Variants in SIRT1 observed in about 807,000 individuals in gnomAD.
SIRT1 encodes sirtuin 1, also known as NAD-dependent protein deacetylase sirtuin-1.
In SIRT1, 24 loss-of-function variants were observed where a neutral mutation model predicts 67.9. That is an observed-to-expected ratio of 0.35 (90% CI 0.26 to 0.50). The LOEUF is 0.50. Among genes scored for constraint, SIRT1 ranks in the 20% least tolerant of loss-of-function variants. The pLI is 0.98. For missense variants in SIRT1, 873 were observed against 937.2 expected (o/e 0.93, Z 0.89); for synonymous variants, 378 against 350.7 (o/e 1.08, Z -0.87).
chr10:67,900,435 G>A (rs1387846629), intron 4 of SIRT1, among the ~76,000 whole-genome samples: 5 of 152,068 alleles, frequency 3.3e-5, no homozygotes, highest in African/African-American at 1.2e-4. Context: ...GTGAGCCGCC[G>A]CGCTTGGCTC....
chr10:67,898,574 G>T (rs1428989866), intron 4 of SIRT1, among the ~76,000 whole-genome samples: 1 of 152,142 alleles, frequency 6.6e-6, no homozygotes, highest in African/African-American at 2.4e-5. Context: ...TAGTCACAGT[G>T]CCATTCATCT....
At chr10:67,888,594 GT>G (rs1346182641) in intron 2 of SIRT1, among the ~76,000 whole-genome samples, 1 of 152,082 alleles carries the variant, frequency 6.6e-6, no homozygotes, top group Non-Finnish European at 1.5e-5. Context: ...ATTATGGTGT[GT>G]GTTTCTAGAT....
intron 4 of SIRT1, among the ~76,000 whole-genome samples, chr10:67,902,529 A>T (rs1842759826): frequency 6.6e-6 from 1 of 152,252 alleles, no homozygotes; most frequent in African/African-American, 2.4e-5. Flanking sequence ...TGAATTTGTC[A>T]TATGACCAAT....
At chr10:67,907,459 C>A (rs139183529) in intron 5 of SIRT1, among the ~76,000 whole-genome samples, 2 of 142,896 alleles carry the variant, frequency 1.4e-5, no homozygotes, top group South Asian at 4.4e-4. Flanking sequence ...TGCACCATTG[C>A]GCTCCAGCCT....
chr10:67,900,454 ATTGT>A (rs1842724699), intron 4 of SIRT1, among the ~76,000 whole-genome samples: 1 of 151,192 alleles, frequency 6.6e-6, no homozygotes. Flanking sequence ...TCAACATCTT[ATTGT>A]TTGAGACGGG....
intron 7 of SIRT1, among the ~76,000 whole-genome samples, chr10:67,911,783 C>T (rs1439606652): frequency 1.6e-5 from 2 of 123,112 alleles, no homozygotes; most frequent in South Asian, 2.5e-4. Context: ...TCCCACCCTC[C>T]CTCCCTCCCT....
At position 67,906,773 on chromosome 10, in the gene SIRT1, C is replaced by T. The variant is rs749810483; in HGVS notation, c.943-17C>T. The T allele has an allele frequency of 8.7e-6, 14 of 1,601,918 alleles. No homozygotes were observed. In the African/African-American group the frequency reaches 1.2e-4, roughly 14 times the overall value. ...ATTTCACTAATGTAAATTTTTTCTACCATTTGCTTGATACAGGAAATATAT... is the reference window on the plus strand; with the variant it reads ...ATTTCACTAATGTAAATTTTTTCTATCATTTGCTTGATACAGGAAATATAT... On this transcript the variant is annotated splice_polypyrimidine_tract_variant and intron_variant, in intron 4 of 8. Coordinates refer to ENST00000212015, the MANE Select transcript of SIRT1 (RefSeq NM_012238.5).
chr10:67,915,619 T>C (rs184747319), intron 8 of SIRT1, among the ~76,000 whole-genome samples: 3 of 152,290 alleles, frequency 2.0e-5, no homozygotes, highest in Admixed American at 6.5e-5. Flanking sequence ...GTCTACAGAG[T>C]ACACTATGAA....
chr10:67,906,302 T>C, intron 4 of SIRT1: 1 of 1,564,888 alleles, frequency 6.4e-7, no homozygotes. Context: ...GGATTAAAAC[T>C]TTAGCTTTAA....
In SIRT1 at chr10:67,906,882, GA is replaced by G; in HGVS notation, c.1037del (p.Asn346ThrfsTer2). The G allele has an allele frequency of 6.2e-7, 1 of 1,612,468 alleles. No homozygotes were observed. Among genetic ancestry groups the G allele is most frequent in the Non-Finnish European group, 8.5e-7 (1 of 1,179,368 alleles). Reference sequence around the variant, plus strand: ...GAAAACTACTTCGCAACTATACCCAGAACATAGACACGCTGGAACAGGTTGC... The same window carrying G: ...GAAAACTACTTCGCAACTATACCCAGACATAGACACGCTGGAACAGGTTGC... ...EGKLLRNYTQ[N>X]IDTLEQVAGI... is the part of the protein sequence containing the mutation. On this transcript the variant is annotated frameshift_variant, in exon 5 of 9. Coordinates refer to ENST00000212015, the MANE Select transcript of SIRT1 (RefSeq NM_012238.5). LOFTEE classifies it high-confidence loss of function.
At position 67,917,843 on chromosome 10, in the gene SIRT1, CTT is replaced by C. The variant is rs1247720352; in HGVS notation, c.*1251_*1252del. The C allele has an allele frequency of 6.6e-6, 1 of 152,510 alleles. No individual in the cohort carries two copies. Among genetic ancestry groups the C allele is most frequent in the Non-Finnish European group, 1.5e-5 (1 of 68,006 alleles). The allele number at this position is 152,510 out of a possible 1,614,324, so 9.4% of individuals were successfully genotyped here. A position where few individuals can be genotyped will look rare whatever the true frequency, so the allele number is the denominator to read the frequency against. On this transcript the variant is annotated 3_prime_UTR_variant, in exon 9 of 9. Transcript: ENST00000212015. The stretch of plus-strand genomic sequence containing the variant: ...AGATCAACTTTCTCAGCTGCAAAAG[CTT>C]CTAGTCTTTCAAGAAGTTCATACTT...
chr10:67,908,180 T>G (rs1460793600), intron 6 of SIRT1, 55 bp downstream of exon 6: 1 of 1,474,398 alleles, frequency 6.8e-7, no homozygotes, highest in African/African-American at 1.4e-5. Context: ...TATTTCTTCT[T>G]TTGCCTCAAA....
rs1564897406 is a variant in SIRT1 at position 67,917,933 on chromosome 10, T to TTA, written c.*1340_*1341insTA. 1 of 152,458 alleles carries TTA rather than the reference T, an allele frequency of 6.6e-6. No individual in the cohort carries two copies. The highest frequency in any genetic ancestry group is 1.5e-5 in the Non-Finnish European group (1 of 68,034). 9.4% of individuals were successfully genotyped at this position (152,458 alleles called of 1,614,324 possible). A position where few individuals can be genotyped will look rare whatever the true frequency, so the allele number is the denominator to read the frequency against. On this transcript the variant is annotated 3_prime_UTR_variant, in exon 9 of 9. Coordinates refer to ENST00000212015, the MANE Select transcript of SIRT1 (RefSeq NM_012238.5). Reference sequence around the variant, plus strand: ...TTTTTGAACATCACTCCTAAATTAATAAAGTATTCCTCTGTTGCTTTAGTA... The same window carrying TTA: ...TTTTTGAACATCACTCCTAAATTAATTAAAAGTATTCCTCTGTTGCTTTAGTA...
Position 67,884,798 on chromosome 10 carries a change from C to A in SIRT1, c.77C>A (p.Ser26Ter). ...GCGGGGGCCGACAGGGAGGCCGCGTCGTCCCCCGCCGGGGAGCCGCTCCGC... is the reference window on the plus strand; with the variant it reads ...GCGGGGGCCGACAGGGAGGCCGCGTAGTCCCCCGCCGGGGAGCCGCTCCGC... The part of the protein sequence containing the change: ...SAAGADREAA[S>*]SPAGEPLRKR... Residue 26 changes from serine (S) to a stop codon, truncating the protein, a stop_gained, in exon 1 of 9, where the codon TCG becomes TAG. Transcript: ENST00000212015. LOFTEE classifies it high-confidence loss of function. 1 of 1,221,080 alleles carries A rather than the reference C, an allele frequency of 8.2e-7. No individual in the cohort carries two copies. Among genetic ancestry groups the A allele is most frequent in the South Asian group, 4.2e-5 (1 of 24,080 alleles). The allele number at this position is 1,221,080 out of a possible 1,614,324, so 75.6% of individuals were successfully genotyped here.
At chr10:67,895,563 T>G (rs1842641488) in intron 4 of SIRT1, among the ~76,000 whole-genome samples, 1 of 152,086 alleles carries the variant, frequency 6.6e-6, no homozygotes, top group East Asian at 1.9e-4. Flanking sequence ...CTAAAGTGGT[T>G]TATGATTTTT....
chr10:67,908,091 A>C lies in SIRT1; in HGVS notation c.1136A>C (p.Asp379Ala), dbSNP rs756786753. The change falls in exon 6 of 9, where the codon GAC becomes GCC. Residue 379 changes from aspartate to alanine, a missense_variant. Asp to Ala is a moderately radical substitution (Grantham distance 126). This residue lies in a region of SIRT1 where 251 missense variants were observed against 358.8 expected (regional missense o/e 0.70). Coordinates refer to ENST00000212015, the MANE Select transcript of SIRT1 (RefSeq NM_012238.5). ...ASCLICKYKV[D>A]CEAVRGDIFN... Reference sequence around the variant, plus strand: ...TGCCTGATTTGTAAATACAAAGTTGACTGTGAAGCTGTACGAGGAGATATT... The same window carrying C: ...TGCCTGATTTGTAAATACAAAGTTGCCTGTGAAGCTGTACGAGGAGATATT... 1 of 1,613,518 alleles carries C rather than the reference A, an allele frequency of 6.2e-7. No homozygotes were observed. The highest frequency in any genetic ancestry group is 1.3e-5 in the African/African-American group (1 of 74,892).
chr10:67,889,646 T>C (rs554765277), intron 3 of SIRT1, among the ~76,000 whole-genome samples: 144 of 152,362 alleles, frequency 9.5e-4, no homozygotes, highest in African/African-American at 3.4e-3. Context: ...CCTAAGACTA[T>C]TGCATAGTGT....
intron 4 of SIRT1, 132 bp downstream of exon 4, chr10:67,891,686 A>G (rs1261146879): frequency 1.6e-5 from 13 of 829,614 alleles, no homozygotes; most frequent in African/African-American, 3.4e-5. Flanking sequence ...GAGTAAGATC[A>G]CTCATTATGG....
chr10:67,890,872 T>TA, intron 3 of SIRT1, among the ~76,000 whole-genome samples: 2 of 150,422 alleles, frequency 1.3e-5, no homozygotes, highest in Admixed American at 1.3e-4. Context: ...CTACTAAAAA[T>TA]ACAAAAAATC....
Sources: gnomAD v4.1 joint callset for allele counts (sites outside exome capture counted in the v4.1 genomes callset) on GRCh38, gnomAD v4.1.1 for gene constraint, gnomAD v4.1.1 regional missense constraint, MANE v1.5 for transcripts, NCBI Gene and HGNC (gene_info 2026-07-23, HGNC 2026-07-21) for gene names.